The following OTOL1 variants were observed in gnomAD, a reference collection of about 807,000 sequenced individuals.
OTOL1 encodes otolin 1, also known as otolin-1.
In OTOL1, 31 loss-of-function variants were observed where a neutral mutation model predicts 25.0. The observed-to-expected ratio is 1.24, with a 90% CI of 0.93 to 1.67. The LOEUF (loss-of-function observed/expected upper bound fraction) is 1.67. OTOL1 is among the 40% of genes most tolerant of loss of function. OTOL1 has a pLI of 0.00. For synonymous variants in OTOL1, 225 were observed against 210.3 expected, an observed-to-expected ratio of 1.07 and a Z score of -0.61; for missense variants, 654 against 587.7, an observed-to-expected ratio of 1.11 and a Z score of -1.17.
rs535729760 is a variant in OTOL1 at position 161,503,773 on chromosome 3, A to G, written c.1265A>G (p.Gln422Arg). 44 of 1,613,962 alleles carry G rather than the reference A, an allele frequency of 2.7e-5. No individual in the cohort carries two copies. The South Asian group carries it at 4.6e-4, about 17-fold the overall frequency. Residue 422 changes from glutamine to arginine, a missense_variant, in exon 4 of 4, where the codon CAG becomes CGG. Transcript: ENST00000327928. ...AAGTCCAGAGAAACTCTCTATGGTC[A>G]GGAAATAGACCAGGCCTCTCTCCTC... ...QFKSRETLYG[Q>R]EIDQASLLVI...
chr3:161,501,195 C>T (rs1463947), intron 2 of OTOL1, among the ~76,000 whole-genome samples: 85,242 of 151,884 alleles, frequency 0.56, 24,358 homozygotes, highest in South Asian at 0.7. Context: ...ATGTGTTCTG[C>T]TATATGAACC....
chr3:161,502,884 C>T (rs955230215), intron 3 of OTOL1, 142 bp from the exon 4 acceptor site: 22 of 522,530 alleles, frequency 4.2e-5, no homozygotes, highest in African/African-American at 3.4e-4. Context: ...TCAGAGCCTC[C>T]TAAGTGTGCA....
At position 161,501,965 on chromosome 3, in the gene OTOL1, C is replaced by G. The variant is rs181791772; in HGVS notation, c.455-342C>G. The stretch of plus-strand genomic sequence containing the variant: ...TACTGCAATCTCCACCTCCTGAGTT[C>G]AAGCAATTCTTGTGCCTCAGCCTCC... On this transcript the variant is annotated intron_variant, in intron 2 of 3. Transcript: ENST00000327928. Among the ~76,000 whole-genome samples, 74 of 152,286 alleles carry G rather than the reference C, an allele frequency of 4.9e-4. No individual in the cohort carries two copies. In the South Asian group the frequency reaches 0.012, roughly 25 times the overall value.
chr3:161,500,939 T>C (rs1718960459), intron 2 of OTOL1, among the ~76,000 whole-genome samples: 1 of 151,320 alleles, frequency 6.6e-6, no homozygotes, highest in African/African-American at 2.4e-5. Context: ...TTAATTTGGC[T>C]TAGGATTTAT....
chr3:161,501,515 T>C (rs1410252400), intron 2 of OTOL1, among the ~76,000 whole-genome samples: 1 of 151,780 alleles, frequency 6.6e-6, no homozygotes, highest in Non-Finnish European at 1.5e-5. Flanking sequence ...TACAGTTCTA[T>C]ACTTACATAG....
At chr3:161,502,921 T>G in intron 3 of OTOL1, 105 bp from the exon 4 acceptor site, 1 of 811,442 alleles carries the variant, frequency 1.2e-6, no homozygotes, top group Non-Finnish European at 1.7e-6. Context: ...AAGAATCAGG[T>G]TTCCTAATTA....
rs148179975 is a variant in OTOL1 at position 161,499,451 on chromosome 3, C to G, written c.454+191C>G. On this transcript the variant is annotated intron_variant, in intron 2 of 3. Transcript: ENST00000327928. ...GCCAATTGAGAAATTTTAAACTTAC[C>G]TGGGAACACTGCACACATGCATGCA... Among the ~76,000 whole-genome samples the G allele has an allele frequency of 7.6e-4, 116 of 152,170 alleles. 1 individual carries two copies. In the East Asian group the frequency reaches 0.021, roughly 27 times the overall value.
At position 161,503,181 on chromosome 3, in the gene OTOL1, G is replaced by A. The variant is rs762554496; in HGVS notation, c.673G>A (p.Ala225Thr). 50 of 1,302,114 alleles carry A rather than the reference G, an allele frequency of 3.8e-5. No homozygotes were observed. The highest frequency in any genetic ancestry group is 9.2e-5 in the South Asian group (6 of 65,292). The allele number at this position is 1,302,114 out of a possible 1,614,324, so 80.7% of individuals were successfully genotyped here. ...ACCTGGCCTGCACGGAGGGCCTGGC[G>A]CCAAGGGAGAGAAGGGGGAGATGGG... The part of the protein sequence containing the change: ...GSPGLHGGPG[A>T]KGEKGEMGEK... The change falls in exon 4 of 4, where the codon GCC becomes ACC. Residue 225 changes from alanine to threonine, a missense_variant. Coordinates refer to ENST00000327928, the MANE Select transcript of OTOL1 (RefSeq NM_001080440.1).
chr3:161,503,467 G>T lies in OTOL1; in HGVS notation c.959G>T (p.Gly320Val), dbSNP rs776927678. ...KGDIGNKGVR[G>V]PTGKKGSRGF... ...GACATTGGCAACAAAGGGGTCCGAG[G>T]CCCCACTGGGAAGAAGGGCTCTCGG... Residue 320 changes from glycine to valine, a missense_variant, in exon 4 of 4, where the codon GGC (glycine) becomes GTC (valine). Transcript: ENST00000327928. The T allele has an allele frequency of 2.5e-6, 4 of 1,613,708 alleles. No homozygotes were observed. The East Asian group carries it at 6.7e-5, about 27-fold the overall frequency.
In OTOL1 at chr3:161,503,263, G is replaced by A. The variant is rs1265085056; in HGVS notation, c.755G>A (p.Gly252Glu). 1.6e-6 allele frequency: 2 copies of A among 1,266,002 alleles called. No individual in the cohort carries two copies. The highest frequency in any genetic ancestry group is 2.0e-6 in the Non-Finnish European group (2 of 984,970). The allele number at this position is 1,266,002 out of a possible 1,614,324, so 78.4% of individuals were successfully genotyped here. ...TGTGGAGATTCTGGGGAGAGGGGAG[G>A]AAAAGGACAGAAAGGTGAGGGGGGT... ...GCCGDSGERGGKGQKGEGGMK... is the reference protein window; with the variant it reads ...GCCGDSGERGEKGQKGEGGMK... Residue 252 changes from glycine (G) to glutamate (E), a missense_variant, in exon 4 of 4, where the codon GGA (glycine) becomes GAA (glutamate). Transcript: ENST00000327928.
intron 3 of OTOL1, among the ~76,000 whole-genome samples, chr3:161,502,634 T>C (rs1223439519): frequency 1.3e-5 from 2 of 152,190 alleles, no homozygotes; most frequent in Admixed American, 1.3e-4. Context: ...TCAGTTTCCT[T>C]GCCAATAATA....
chr3:161,503,283 G>T lies in OTOL1; in HGVS notation c.775G>T (p.Gly259Trp). The T allele has an allele frequency of 3.4e-6, 5 of 1,490,464 alleles. No individual in the cohort carries two copies. The highest frequency in any genetic ancestry group is 4.5e-6 in the Non-Finnish European group (5 of 1,121,826). 92.3% of individuals were successfully genotyped at this position (1,490,464 alleles called of 1,614,324 possible). A position where few individuals can be genotyped will look rare whatever the true frequency, so the allele number is the denominator to read the frequency against. The change falls in exon 4 of 4, where the codon GGG becomes TGG. Residue 259 changes from glycine (G) to tryptophan (W), a missense_variant. By Grantham distance (184) the Gly-to-Trp change is radical. Coordinates refer to ENST00000327928, the MANE Select transcript of OTOL1 (RefSeq NM_001080440.1). ...GGGAGGAAAAGGACAGAAAGGTGAG[G>T]GGGGTATGAAAGGGGAAAAAGGTAG... ...ERGGKGQKGE[G>W]GMKGEKGSKG...
chr3:161,497,871 C>G (rs1231356497), intron 1 of OTOL1, among the ~76,000 whole-genome samples: 1 of 152,102 alleles, frequency 6.6e-6, no homozygotes, highest in African/African-American at 2.4e-5. Context: ...TACATTTCAG[C>G]TTTTACATGT....
Position 161,502,358 on chromosome 3 carries a change from CG to C in OTOL1, c.509del (p.Gly170GlufsTer20). On this transcript the variant is annotated frameshift_variant, in exon 3 of 4. Coordinates refer to ENST00000327928, the MANE Select transcript of OTOL1 (RefSeq NM_001080440.1). LOFTEE classifies it low-confidence loss of function (END_TRUNC). The stretch of plus-strand genomic sequence containing the variant: ...GGAGTTCCAGGATACCCAGGAAAAC[CG>C]GGAGCACAAGGTAGAGCATGAAATG... ...DQGVPGYPGK[P>X]GAQGEPGPKG... 6.2e-7 allele frequency: 1 copy of C among 1,613,070 alleles called. No individual in the cohort carries two copies. The highest frequency in any genetic ancestry group is 1.1e-5 in the South Asian group (1 of 90,856).
chr3:161,498,036 C>A (rs968473943), intron 1 of OTOL1, among the ~76,000 whole-genome samples: 1 of 152,004 alleles, frequency 6.6e-6, no homozygotes, highest in Non-Finnish European at 1.5e-5. Context: ...TTGGGAAATG[C>A]GGTTAGTATT....
At position 161,497,084 on chromosome 3, in the gene OTOL1, G is replaced by C. The variant is rs1718851928; in HGVS notation, c.277G>C (p.Asp93His). 1 of 1,613,600 alleles carries C rather than the reference G, an allele frequency of 6.2e-7. No individual in the cohort carries two copies. Among genetic ancestry groups the C allele is most frequent in the Non-Finnish European group, 8.5e-7 (1 of 1,179,618 alleles). The change falls in exon 1 of 4, where the codon GAC becomes CAC. Residue 93 changes from aspartate (D) to histidine (H), a missense_variant. Coordinates refer to ENST00000327928, the MANE Select transcript of OTOL1 (RefSeq NM_001080440.1). Reference protein sequence around the residue: ...TLSPFENFTLDPADFFLNCCD... With the variant: ...TLSPFENFTLHPADFFLNCCD... ...CTCTCCCTTTGAAAACTTCACTCTT[G>C]ACCCAGCTGATTTCTTTTTGAATTG...
In OTOL1 at chr3:161,503,774, G is replaced by A; in HGVS notation, c.1266G>A (p.Gln422=). Residue 422 remains glutamine, a synonymous_variant, in exon 4 of 4, where the codon CAG becomes CAA. Transcript: ENST00000327928. ...AGTCCAGAGAAACTCTCTATGGTCA[G>A]GAAATAGACCAGGCCTCTCTCCTCG... ...QFKSRETLYG[Q]EIDQASLLVI... is the part of the protein sequence containing the mutation. The A allele has an allele frequency of 1.2e-6, 2 of 1,613,870 alleles. No individual in the cohort carries two copies. Among genetic ancestry groups the A allele is most frequent in the Non-Finnish European group, 1.7e-6 (2 of 1,179,856 alleles).
At chr3:161,499,080 G>T in intron 1 of OTOL1, 91 bp from the exon 2 acceptor site, 1 of 939,652 alleles carries the variant, frequency 1.1e-6, no homozygotes, top group South Asian at 1.5e-5. Context: ...GATACTTATT[G>T]ATTGCAGTAA....
In OTOL1 at chr3:161,497,093, G is replaced by T; in HGVS notation, c.286G>T (p.Asp96Tyr). Residue 96 changes from aspartate (D) to tyrosine (Y), a missense_variant, in exon 1 of 4, where the codon GAT becomes TAT. Physicochemically the swap from Asp to Tyr is radical, Grantham distance 160. Transcript: ENST00000327928. The stretch of plus-strand genomic sequence containing the variant: ...TGAAAACTTCACTCTTGACCCAGCT[G>T]ATTTCTTTTTGAATTGTTGTGATTG... Reference protein sequence around the residue: ...PFENFTLDPADFFLNCCDCCS... With the variant: ...PFENFTLDPAYFFLNCCDCCS... The T allele has an allele frequency of 6.2e-7, 1 of 1,613,626 alleles. No individual in the cohort carries two copies. The highest frequency in any genetic ancestry group is 1.3e-5 in the African/African-American group (1 of 75,016).
Sources: allele counts gnomAD v4.1 joint callset (sites outside exome capture counted in the v4.1 genomes callset), GRCh38; gene constraint gnomAD v4.1.1; transcripts MANE v1.5; gene names NCBI Gene and HGNC (gene_info 2026-07-23, HGNC 2026-07-21).